Variants in EBF1 observed in about 807,000 individuals in gnomAD.
The protein encoded by EBF1 is EBF transcription factor 1.
Under a neutral mutation model 68.4 loss-of-function variants are expected in EBF1, and 10 were observed. The observed-to-expected ratio is 0.15, with a 90% CI of 0.09 to 0.25. The LOEUF is 0.25. EBF1 is among the 10% of genes least tolerant of loss of function. The pLI is 1.00. For synonymous variants in EBF1, 298 were observed against 299.8 expected (o/e 0.99, Z 0.06); for missense variants, 509 against 794.4 (o/e 0.64, Z 4.32).
chr5:158,907,076 A>G (rs1003825044), intron 6 of EBF1, among the ~76,000 whole-genome samples: 1 of 152,246 alleles, frequency 6.6e-6, no homozygotes, highest in African/African-American at 2.4e-5. Context: ...TAAAACCAGG[A>G]AAGTCCCCAG....
At chr5:158,940,409 C>A (rs1420380247) in intron 6 of EBF1, among the ~76,000 whole-genome samples, 1 of 152,178 alleles carries the variant, frequency 6.6e-6, no homozygotes, top group Non-Finnish European at 1.5e-5. Context: ...TCCTAGGCCA[C>A]TTAAATACAT....
At chr5:158,964,311 G>A (rs1753670806) in intron 6 of EBF1, among the ~76,000 whole-genome samples, 1 of 152,124 alleles carries the variant, frequency 6.6e-6, no homozygotes, top group Non-Finnish European at 1.5e-5. Flanking sequence ...GGACAATGAG[G>A]AGCCAGGCTG....
intron 6 of EBF1, among the ~76,000 whole-genome samples, chr5:158,911,191 T>C (rs1393698964): frequency 6.6e-6 from 1 of 152,222 alleles, no homozygotes; most frequent in Non-Finnish European, 1.5e-5. Context: ...CTTCCTTTCA[T>C]GAAATCGCTG....
chr5:158,738,143 A>T (rs1203368180), intron 10 of EBF1, among the ~76,000 whole-genome samples: 1 of 152,168 alleles, frequency 6.6e-6, no homozygotes, highest in Non-Finnish European at 1.5e-5. Context: ...CTGTTTTATA[A>T]AAATATAGAT....
chr5:158,801,254 C>T (rs559919888), intron 8 of EBF1, among the ~76,000 whole-genome samples: 18 of 152,178 alleles, frequency 1.2e-4, no homozygotes, highest in Non-Finnish European at 2.1e-4. Flanking sequence ...TAATAATGAT[C>T]ACTCCACAAA....
At chr5:158,952,247 G>A (rs1253375406) in intron 6 of EBF1, among the ~76,000 whole-genome samples, 1 of 152,140 alleles carries the variant, frequency 6.6e-6, no homozygotes, top group Non-Finnish European at 1.5e-5. Context: ...GCTAGGGAAA[G>A]GCGATAATTA....
chr5:158,796,694 T>C (rs989186842), intron 8 of EBF1, among the ~76,000 whole-genome samples: 1 of 152,206 alleles, frequency 6.6e-6, no homozygotes, highest in Non-Finnish European at 1.5e-5. Context: ...TTAAGATACA[T>C]ATATTTTACC....
At chr5:159,022,056 TAAAAA>T (rs10630834) in intron 6 of EBF1, among the ~76,000 whole-genome samples, 1 of 105,630 alleles carries the variant, frequency 9.5e-6, no homozygotes, top group African/African-American at 3.7e-5. Flanking sequence ...GTCAGCACGA[TAAAAA>T]AAAAAAAAAA....
intron 8 of EBF1, among the ~76,000 whole-genome samples, chr5:158,817,276 G>C (rs1339432440): frequency 2.0e-5 from 3 of 151,932 alleles, no homozygotes; most frequent in African/African-American, 7.3e-5. Flanking sequence ...CTAGTGCTAT[G>C]GTTTGAATAG....
intron 6 of EBF1, among the ~76,000 whole-genome samples, chr5:159,053,827 A>C (rs1677488241): frequency 6.6e-6 from 1 of 152,254 alleles, no homozygotes; most frequent in African/African-American, 2.4e-5. Context: ...TAAACTCTTT[A>C]AAATACTGAA....
chr5:158,940,548 C>T (rs1411029192), intron 6 of EBF1, among the ~76,000 whole-genome samples: 1 of 152,120 alleles, frequency 6.6e-6, no homozygotes, highest in African/African-American at 2.4e-5. Context: ...GGGATTTGAA[C>T]CTAGGTTTGT....
At chr5:159,005,046 T>C (rs1180921722) in intron 6 of EBF1, among the ~76,000 whole-genome samples, 2 of 152,136 alleles carry the variant, frequency 1.3e-5, no homozygotes, top group South Asian at 2.1e-4. Context: ...AAGACTGCAA[T>C]AGAAAAGTTC....
intron 11 of EBF1, among the ~76,000 whole-genome samples, chr5:158,729,081 G>T (rs1362377002): frequency 6.6e-6 from 1 of 152,220 alleles, no homozygotes; most frequent in Non-Finnish European, 1.5e-5. Flanking sequence ...GCTCTCAGAA[G>T]CAAGGGTCCC....
At position 158,767,257 on chromosome 5, in the gene EBF1, T is replaced by C. The variant is rs4147382; in HGVS notation, c.1036+10156A>G. Among the ~76,000 whole-genome samples, 4,598 of 152,218 alleles carry C rather than the reference T, an allele frequency of 0.03. 469 individuals are homozygous for C. In the East Asian group the frequency reaches 0.32, roughly 11 times the overall value. On this transcript the variant is annotated intron_variant, in intron 10 of 15. Transcript: ENST00000313708. ...GGATGAAATAATGGATAATCATTAT[T>C]TCATACTTTTTTGTATTTTAAAAAT...
intron 6 of EBF1, among the ~76,000 whole-genome samples, chr5:158,920,366 C>T (rs1036005786): frequency 6.6e-6 from 1 of 152,198 alleles, no homozygotes; most frequent in African/African-American, 2.4e-5. Flanking sequence ...TATTGTTCTA[C>T]CTTTTCCATC....
At chr5:158,826,290 T>C (rs1051969714) in intron 7 of EBF1, among the ~76,000 whole-genome samples, 14 of 152,342 alleles carry the variant, frequency 9.2e-5, no homozygotes, top group African/African-American at 3.4e-4. Flanking sequence ...CTTTACTTTC[T>C]AGAACTGCAC....
chr5:159,052,432 C>T (rs1418357837), intron 6 of EBF1, among the ~76,000 whole-genome samples: 1 of 152,084 alleles, frequency 6.6e-6, no homozygotes, highest in East Asian at 1.9e-4. Context: ...TTGTCAGGTC[C>T]TATGACTACC....
intron 6 of EBF1, among the ~76,000 whole-genome samples, chr5:158,902,616 A>C (rs1389264628): frequency 6.7e-6 from 1 of 148,522 alleles, no homozygotes; most frequent in Non-Finnish European, 1.5e-5. Context: ...TATTATTATT[A>C]TTATCATTAT....
chr5:158,779,773 C>A (rs575642998), intron 9 of EBF1, among the ~76,000 whole-genome samples: 1 of 151,902 alleles, frequency 6.6e-6, no homozygotes, highest in Non-Finnish European at 1.5e-5. Context: ...GTTGCTATAC[C>A]GAGGAACAAA....
Sources: allele counts gnomAD v4.1 joint callset (sites outside exome capture counted in the v4.1 genomes callset), GRCh38; gene constraint gnomAD v4.1.1; transcripts MANE v1.5; gene names NCBI Gene and HGNC (gene_info 2026-07-23, HGNC 2026-07-21).